The following CLEC9A variants were observed in gnomAD, a reference collection of about 807,000 sequenced individuals.
CLEC9A encodes C-type lectin domain containing 9A, also known as C-type lectin domain family 9 member A.
In CLEC9A, 24 loss-of-function variants were observed where a neutral mutation model predicts 30.0. The ratio of observed to expected loss-of-function variants is 0.80; its 90% confidence interval spans 0.58 to 1.13. The LOEUF (loss-of-function observed/expected upper bound fraction) is 1.13. Ranked by LOEUF, CLEC9A falls within the 50% of genes most tolerant of loss-of-function variation. The pLI is 0.00. For missense variants in CLEC9A, 251 were observed against 280.9 expected, an observed-to-expected ratio of 0.89 and a Z score of 0.76; for synonymous variants, 111 against 96.8, an observed-to-expected ratio of 1.15 and a Z score of -0.86.
intron 4 of CLEC9A, among the ~76,000 whole-genome samples, 187 bp from the exon 5 acceptor site, chr12:10,054,084 G>T (rs1489711957): frequency 1.3e-5 from 2 of 152,190 alleles, no homozygotes; most frequent in Non-Finnish European, 2.9e-5. Context: ...CAAGTTATGA[G>T]TTGTATTTCA....
chr12:10,064,927 C>T, intron 8 of CLEC9A, 74 bp downstream of exon 8: 7 of 1,509,220 alleles, frequency 4.6e-6, no homozygotes, highest in Non-Finnish European at 6.2e-6. Flanking sequence ...TCACCTTGTA[C>T]CATGAATTTT....
At chr12:10,048,116 C>T (rs945055117) in intron 2 of CLEC9A, among the ~76,000 whole-genome samples, 1 of 149,372 alleles carries the variant, frequency 6.7e-6, no homozygotes, top group African/African-American at 2.4e-5. Context: ...GCCTGTAGTC[C>T]CAGCTACTCG....
In CLEC9A at chr12:10,052,614, T is replaced by C. The variant is rs368857847; in HGVS notation, c.-58-16T>C. 1,218 of 1,575,304 alleles carry C rather than the reference T, an allele frequency of 7.7e-4. 10 individuals carry two copies. The African/African-American group carries it at 0.015, about 19-fold the overall frequency. ...ACCAATTTCAGTTCTTACACCAACCTGCTCCAAACCACAAGAGGAGTTACT... is the reference window on the plus strand; with the variant it reads ...ACCAATTTCAGTTCTTACACCAACCCGCTCCAAACCACAAGAGGAGTTACT... On this transcript the variant is annotated splice_polypyrimidine_tract_variant and intron_variant, in intron 3 of 8. Transcript: ENST00000355819.
intron 4 of CLEC9A, 99 bp from the exon 5 acceptor site, chr12:10,054,172 A>G (rs552057704): frequency 4.0e-4 from 374 of 944,060 alleles, no homozygotes; most frequent in Non-Finnish European, 5.9e-4. Context: ...AGAAATGCCA[A>G]TGTTAATTCC....
At chr12:10,038,434 A>G (rs565136779) in intron 1 of CLEC9A, among the ~76,000 whole-genome samples, 1 of 152,382 alleles carries the variant, frequency 6.6e-6, no homozygotes, top group East Asian at 1.9e-4. Flanking sequence ...AAGCTATGCC[A>G]AAAGGCGTGT....
In CLEC9A at chr12:10,045,682, G is replaced by T. The variant is rs928332991; in HGVS notation, c.-163+4062G>T. 4.4e-5 allele frequency: 10 copies of T among 228,184 alleles called. No homozygotes were observed. The South Asian group carries it at 7.9e-4, about 18-fold the overall frequency. 14.1% of individuals were successfully genotyped at this position (228,184 alleles called of 1,614,324 possible). A position where few individuals can be genotyped will look rare whatever the true frequency, so the allele number is the denominator to read the frequency against. ...ATAAGGGCTTTATTGCCCAATAAAA[G>T]TTCTGAATGAAGAAATCAATAGCCA... On this transcript the variant is annotated intron_variant, in intron 2 of 8. Transcript: ENST00000355819.
rs1591896559 is a variant in CLEC9A at position 10,064,789 on chromosome 12, T to G, written c.529T>G (p.Leu177Val). The change falls in exon 8 of 9, where the codon TTG (leucine) becomes GTG (valine). Residue 177 changes from leucine (L) to valine (V), a missense_variant. Physicochemically the swap from Leu to Val is conservative, Grantham distance 32. Coordinates refer to ENST00000355819, the MANE Select transcript of CLEC9A (RefSeq NM_207345.4). ...AGGAAGCTATGATTACTGGGTGGGG[T>G]TGTCTCAGGATGGACACAGCGGACG... ...IKGSYDYWVGLSQDGHSGRWL... is the reference protein window; with the variant it reads ...IKGSYDYWVGVSQDGHSGRWL... 1 of 1,613,642 alleles carries G rather than the reference T, an allele frequency of 6.2e-7. No homozygotes were observed.
chr12:10,035,383 C>T (rs1483324115), intron 1 of CLEC9A, among the ~76,000 whole-genome samples: 1 of 152,190 alleles, frequency 6.6e-6, no homozygotes, highest in African/African-American at 2.4e-5. Context: ...CTATCCAGCA[C>T]TTCTCTGCCC....
chr12:10,063,865 T>G (rs532937839), intron 7 of CLEC9A, among the ~76,000 whole-genome samples: 28 of 151,996 alleles, frequency 1.8e-4, no homozygotes, highest in African/African-American at 6.8e-4. Context: ...AAAATTAGGC[T>G]GGGATGGTGG....
chr12:10,044,968 A>G lies in CLEC9A; in HGVS notation c.-163+3348A>G, dbSNP rs1339924179. Among the ~76,000 whole-genome samples the G allele has an allele frequency of 3.9e-5, 6 of 152,352 alleles. No individual in the cohort carries two copies. In the East Asian group the frequency reaches 9.6e-4, roughly 24 times the overall value. ...TAGAAGAGAATAAAGATAAGTTAAC[A>G]GCCATTACAATACAGCATGCTGTCT... On this transcript the variant is annotated intron_variant, in intron 2 of 8. Transcript: ENST00000355819.
chr12:10,030,878 A>T lies in CLEC9A; in HGVS notation c.-412A>T, dbSNP rs990176233. 10 of 152,092 alleles carry T rather than the reference A, an allele frequency of 6.6e-5. No homozygotes were observed. The highest frequency in any genetic ancestry group is 1.0e-4 in the Non-Finnish European group (7 of 68,024). The allele number at this position is 152,092 out of a possible 1,614,324, so 9.4% of individuals were successfully genotyped here. On this transcript the variant is annotated 5_prime_UTR_variant, in exon 1 of 9. Transcript: ENST00000355819. ...TGACAATAGCATTTTTATTTTTCTT[A>T]TCAAGATCTGGGTATTTGATCCACA...
intron 5 of CLEC9A, among the ~76,000 whole-genome samples, chr12:10,056,329 C>T (rs1424066602): frequency 2.0e-5 from 3 of 151,882 alleles, no homozygotes; most frequent in African/African-American, 7.3e-5. Context: ...GATAAGAGAC[C>T]ATGTTAATAA....
chr12:10,054,003 T>A (rs1034106319), intron 4 of CLEC9A, among the ~76,000 whole-genome samples: 1 of 152,200 alleles, frequency 6.6e-6, no homozygotes, highest in Non-Finnish European at 1.5e-5. Flanking sequence ...AGGTGTGACA[T>A]CAAAGATAAG....
chr12:10,053,978 T>C lies in CLEC9A; in HGVS notation c.92-293T>C, dbSNP rs550557569. ...AAAGATTGTTGGAAAAGAATACATA[T>C]AATTAGTTTGTTTAAGGTGTGACAT... On this transcript the variant is annotated intron_variant, in intron 4 of 8. Transcript: ENST00000355819. Among the ~76,000 whole-genome samples, 10 of 152,298 alleles carry C rather than the reference T, an allele frequency of 6.6e-5. No individual in the cohort carries two copies. The South Asian group carries it at 1.9e-3, about 28-fold the overall frequency.
Position 10,065,690 on chromosome 12 carries a change from ACCCACC to A in CLEC9A, c.*68_*73del. 6.8e-7 allele frequency: 1 copy of A among 1,480,630 alleles called. No homozygotes were observed. The highest frequency in any genetic ancestry group is 9.1e-7 in the Non-Finnish European group (1 of 1,101,256). The allele number at this position is 1,480,630 out of a possible 1,614,324, so 91.7% of individuals were successfully genotyped here. ...GTTATTTGGAGCATGCCATTGGAAAACCCACCCCCACCCCCCCTCAAAAAAACAGAA... is the reference window on the plus strand; with the variant it reads ...GTTATTTGGAGCATGCCATTGGAAAACCCACCCCCCCTCAAAAAAACAGAA... On this transcript the variant is annotated 3_prime_UTR_variant, in exon 9 of 9. Coordinates refer to ENST00000355819, the MANE Select transcript of CLEC9A (RefSeq NM_207345.4).
At chr12:10,051,074 G>A (rs1207247202) in intron 2 of CLEC9A, among the ~76,000 whole-genome samples, 3 of 151,998 alleles carry the variant, frequency 2.0e-5, no homozygotes, top group Non-Finnish European at 4.4e-5. Flanking sequence ...GCGTGGTGGC[G>A]GGTGCCTGTC....
At chr12:10,044,212 T>C (rs1865825595) in intron 2 of CLEC9A, among the ~76,000 whole-genome samples, 1 of 152,226 alleles carries the variant, frequency 6.6e-6, no homozygotes, top group South Asian at 2.1e-4. Context: ...TGTGAACTTT[T>C]GTCACTTCCT....
rs1490273775 is a variant in CLEC9A, at chr12:10,065,767, A to G, written c.*135A>G. ...CATGAAATTAGCAACCTGGGACTCA[A>G]TAATACACTTGGGAATATTCTTCCA... On this transcript the variant is annotated 3_prime_UTR_variant, in exon 9 of 9. Coordinates refer to ENST00000355819, the MANE Select transcript of CLEC9A (RefSeq NM_207345.4). 31 of 827,410 alleles carry G rather than the reference A, an allele frequency of 3.7e-5. No individual in the cohort carries two copies. Among genetic ancestry groups the G allele is most frequent in the Non-Finnish European group, 5.3e-5 (28 of 524,810 alleles). 51.3% of individuals were successfully genotyped at this position (827,410 alleles called of 1,614,324 possible).
chr12:10,049,955 C>T (rs1404136016), intron 2 of CLEC9A, among the ~76,000 whole-genome samples: 1 of 152,132 alleles, frequency 6.6e-6, no homozygotes, highest in Non-Finnish European at 1.5e-5. Flanking sequence ...TAAACTTAAT[C>T]ATTTTTAACT....
Sources: allele counts gnomAD v4.1 joint callset (sites outside exome capture counted in the v4.1 genomes callset), GRCh38; gene constraint gnomAD v4.1.1; transcripts MANE v1.5; gene names NCBI Gene and HGNC (gene_info 2026-07-23, HGNC 2026-07-21).